Variants in BCKDHB observed in about 807,000 individuals in gnomAD.
BCKDHB encodes the protein 2-oxoisovalerate dehydrogenase subunit beta, mitochondrial.
A neutral mutation model predicts 48.5 loss-of-function variants in BCKDHB; 41 were observed. The ratio of observed to expected loss-of-function variants is 0.85; its 90% confidence interval spans 0.66 to 1.10. The LOEUF (loss-of-function observed/expected upper bound fraction) is 1.10, where lower values mean the gene tolerates loss of function less well. Ranked by LOEUF, BCKDHB falls within the 50% of genes least tolerant of loss-of-function variation. BCKDHB has a pLI of 0.00. For synonymous variants in BCKDHB, 201 were observed against 174.8 expected, an observed-to-expected ratio of 1.15 and a Z score of -1.18; for missense variants, 496 against 494.2, an observed-to-expected ratio of 1.00 and a Z score of -0.03.
At chr6:80,323,081 G>C (rs1328793808) in intron 9 of BCKDHB, among the ~76,000 whole-genome samples, 5 of 152,042 alleles carry the variant, frequency 3.3e-5, no homozygotes, top group Non-Finnish European at 5.9e-5. Flanking sequence ...AACTGGACTA[G>C]TCACTTACCT....
At chr6:80,314,142 T>C (rs1393216832) in intron 9 of BCKDHB, among the ~76,000 whole-genome samples, 6 of 152,224 alleles carry the variant, frequency 3.9e-5, no homozygotes, top group Non-Finnish European at 7.3e-5. Flanking sequence ...TTCAGTACTT[T>C]TGCATTTACT....
chr6:80,409,572 T>C, the BCKDHB span, among the ~76,000 whole-genome samples: 1 of 86,642 alleles, frequency 1.2e-5, no homozygotes, highest in Admixed American at 1.5e-4. Flanking sequence ...CTTGTATTGG[T>C]TGCATATATA....
At position 80,345,427 on chromosome 6, in the gene BCKDHB, T is replaced by C. The variant is rs1230546338; in HGVS notation, c.*1623T>C. ...TGTATGGGTAGTAAATCTAGCTCAC[T>C]GAAAATCAGAGTGAAACGCCTTTAC... On this transcript the variant is annotated 3_prime_UTR_variant, in exon 10 of 10. Coordinates refer to ENST00000320393, the MANE Select transcript of BCKDHB (RefSeq NM_183050.4). The C allele has an allele frequency of 6.6e-6, 1 of 152,210 alleles. No individual in the cohort carries two copies. The highest frequency in any genetic ancestry group is 1.5e-5 in the Non-Finnish European group (1 of 68,040). 9.4% of individuals were successfully genotyped at this position (152,210 alleles called of 1,614,324 possible).
chr6:80,443,442 G>T, the BCKDHB span: 2 of 152,054 alleles, frequency 1.3e-5, no homozygotes, highest in African/African-American at 4.8e-5. Flanking sequence ...TACATCCATT[G>T]TCCATGGGGC....
chr6:80,308,878 GC>G (rs1326342911), intron 9 of BCKDHB, among the ~76,000 whole-genome samples: 2 of 151,862 alleles, frequency 1.3e-5, no homozygotes, highest in African/African-American at 4.8e-5. Context: ...ACCGCACCCG[GC>G]CGTAGATTTT....
the BCKDHB span, among the ~76,000 whole-genome samples, chr6:80,406,294 A>G: frequency 1.3e-5 from 2 of 152,214 alleles, no homozygotes; most frequent in African/African-American, 2.4e-5. Context: ...ATATGTGTGC[A>G]TGTGTCTTTA....
chr6:80,371,432 G>T, the BCKDHB span, among the ~76,000 whole-genome samples: 1 of 151,924 alleles, frequency 6.6e-6, no homozygotes, highest in Admixed American at 6.6e-5. Context: ...CTCACTCTGT[G>T]GGTGGTCTGT....
intron 6 of BCKDHB, among the ~76,000 whole-genome samples, chr6:80,186,663 G>A (rs188793409): frequency 6.6e-6 from 1 of 152,192 alleles, no homozygotes; most frequent in Non-Finnish European, 1.5e-5. Context: ...AGTTCAGCTA[G>A]AAGCTTCTTT....
rs967947334 is a variant in BCKDHB, at chr6:80,107,546, C to T, written c.196+657C>T. 4.9e-3 allele frequency among the ~76,000 whole-genome samples: 359 copies of T among 72,612 alleles called. 3 individuals are homozygous for T. Among genetic ancestry groups the T allele is most frequent in the African/African-American group, 0.021 (331 of 15,564 alleles). 47.6% of individuals were successfully genotyped at this position (72,612 alleles called of 152,430 possible). A position where few individuals can be genotyped will look rare whatever the true frequency, so the allele number is the denominator to read the frequency against. On this transcript the variant is annotated intron_variant, in intron 1 of 9. Transcript: ENST00000320393. ...ATATATATGCATATATATATATGCACACATATATATGCATATATATATGCA... is the reference window on the plus strand; with the variant it reads ...ATATATATGCATATATATATATGCATACATATATATGCATATATATATGCA...
At chr6:80,335,600 G>A (rs770012686) in intron 9 of BCKDHB, among the ~76,000 whole-genome samples, 15 of 152,134 alleles carry the variant, frequency 9.9e-5, no homozygotes, top group Non-Finnish European at 1.8e-4. Flanking sequence ...GTCAAAACTT[G>A]CACATAGTGT....
intron 9 of BCKDHB, among the ~76,000 whole-genome samples, chr6:80,342,771 A>C (rs1311307256): frequency 6.6e-6 from 1 of 152,090 alleles, no homozygotes. Context: ...CCTGGGCGAG[A>C]GAGTGAGACC....
intron 1 of BCKDHB, among the ~76,000 whole-genome samples, chr6:80,121,110 TAA>T (rs546109739): frequency 8.9e-4 from 136 of 152,360 alleles, no homozygotes; most frequent in African/African-American, 3.2e-3. Flanking sequence ...CACCATTTAT[TAA>T]ATAGGGAATC....
At chr6:80,464,361 T>A in the BCKDHB span, among the ~76,000 whole-genome samples, 531 of 152,124 alleles carry the variant, frequency 3.5e-3, 8 homozygotes, top group African/African-American at 0.012. Context: ...ACTCCTTAGC[T>A]CATGATCCAC....
intron 6 of BCKDHB, among the ~76,000 whole-genome samples, chr6:80,187,902 T>A (rs1773720348): frequency 6.6e-6 from 1 of 152,186 alleles, no homozygotes. Flanking sequence ...GTTTAGCCAT[T>A]GTGGAAAGCA....
chr6:80,281,284 T>C (rs1013035655), intron 9 of BCKDHB, among the ~76,000 whole-genome samples: 1 of 151,960 alleles, frequency 6.6e-6, no homozygotes, highest in Non-Finnish European at 1.5e-5. Context: ...CACACCAACA[T>C]TTAAGAGAAA....
intron 5 of BCKDHB, chr6:80,169,967 GT>G (rs1219533610): frequency 7.5e-7 from 1 of 1,326,524 alleles, no homozygotes; most frequent in Non-Finnish European, 9.7e-7. Context: ...ACATTATATT[GT>G]TTTTAAGAAC....
At chr6:80,305,498 G>A (rs566213647) in intron 9 of BCKDHB, among the ~76,000 whole-genome samples, 1 of 152,162 alleles carries the variant, frequency 6.6e-6, no homozygotes, top group South Asian at 2.1e-4. Flanking sequence ...TGCAATTTAA[G>A]TTGTTATTTA....
chr6:80,439,711 A>T, the BCKDHB span, among the ~76,000 whole-genome samples: 1 of 152,220 alleles, frequency 6.6e-6, no homozygotes, highest in African/African-American at 2.4e-5. Context: ...GAAGAATTTA[A>T]TGTCTAGAAA....
At chr6:80,283,828 A>C (rs908675646) in intron 9 of BCKDHB, among the ~76,000 whole-genome samples, 1 of 152,020 alleles carries the variant, frequency 6.6e-6, no homozygotes, top group African/African-American at 2.4e-5. Context: ...AAATTTTCTA[A>C]CTACAATAAG....
Sources: gnomAD v4.1 joint callset for allele counts (sites outside exome capture counted in the v4.1 genomes callset) on GRCh38, gnomAD v4.1.1 for gene constraint, MANE v1.5 for transcripts, NCBI Gene and HGNC (gene_info 2026-07-23, HGNC 2026-07-21) for gene names.